MPDZ: variants seen among roughly 807,000 people sequenced by gnomAD.
MPDZ encodes multiple PDZ domain crumbs cell polarity complex component, also known as multiple PDZ domain protein.
A neutral mutation model predicts 239.1 loss-of-function variants in MPDZ; 234 were observed. The ratio of observed to expected loss-of-function variants is 0.98; its 90% CI spans 0.88 to 1.09. The LOEUF (loss-of-function observed/expected upper bound fraction) is 1.09, where lower values mean the gene tolerates loss of function less well. Among genes scored for constraint, MPDZ ranks in the 50% least tolerant of loss-of-function variants. The pLI is 0.00. For synonymous variants in MPDZ, 1,048 were observed against 881.3 expected, an observed-to-expected ratio of 1.19 and a Z score of -3.35; for missense variants, 3,175 against 2,510.0, an observed-to-expected ratio of 1.26 and a Z score of -5.66.
At chr9:13,114,693 C>T (rs200195161) in intron 40 of MPDZ, among the ~76,000 whole-genome samples, 3 of 151,878 alleles carry the variant, frequency 2.0e-5, no homozygotes, top group South Asian at 2.1e-4. Context: ...CGAGGTCAGG[C>T]GTTTGAGACC....
chr9:13,245,410 T>C (rs890021842), intron 3 of MPDZ, among the ~76,000 whole-genome samples: 2 of 140,004 alleles, frequency 1.4e-5, no homozygotes, highest in African/African-American at 5.2e-5. Flanking sequence ...TTTCTACCTT[T>C]GAAAAAAAAA....
chr9:13,136,796 C>G lies in MPDZ; in HGVS notation c.4208G>C (p.Gly1403Ala). The part of the protein sequence containing the change: ...QIADELLEIN[G>A]QILYGRSHQN... ...ATGACTTCTTCCATATAAAATCTGA[C>G]CATTGATCTGTGAGAAATAAATATC... The change falls in exon 30 of 47, where the codon GGT becomes GCT. Residue 1403 changes from glycine (G) to alanine (A), a missense_variant. Coordinates refer to ENST00000319217, the MANE Select transcript of MPDZ (RefSeq NM_001378778.1). 1 of 1,585,986 alleles carries G rather than the reference C, an allele frequency of 6.3e-7. No individual in the cohort carries two copies. The highest frequency in any genetic ancestry group is 8.6e-7 in the Non-Finnish European group (1 of 1,161,690).
chr9:13,195,291 AAAAC>A (rs947063202), intron 13 of MPDZ, among the ~76,000 whole-genome samples: 3 of 152,132 alleles, frequency 2.0e-5, no homozygotes, highest in Non-Finnish European at 4.4e-5. Context: ...TTGTCTCAAA[AAAAC>A]AAACAAACAA....
At chr9:13,241,918 T>G (rs1965502815) in intron 3 of MPDZ, among the ~76,000 whole-genome samples, 1 of 152,130 alleles carries the variant, frequency 6.6e-6, no homozygotes, top group South Asian at 2.1e-4. Context: ...CCTCAGATAT[T>G]TGAAGCTGAA....
intron 3 of MPDZ, among the ~76,000 whole-genome samples, chr9:13,226,425 C>G (rs1012666101): frequency 6.6e-6 from 1 of 152,072 alleles, no homozygotes; most frequent in Admixed American, 6.6e-5. Context: ...TTGAGTCACT[C>G]TCTGACCTCA....
At chr9:13,259,341 AAAAAG>A (rs1009798420) in intron 1 of MPDZ, among the ~76,000 whole-genome samples, 1 of 151,980 alleles carries the variant, frequency 6.6e-6, no homozygotes, top group African/African-American at 2.4e-5. Flanking sequence ...CTCGGAAAAC[AAAAAG>A]AAAAGAAAAG....
intron 39 of MPDZ, among the ~76,000 whole-genome samples, chr9:13,119,122 AT>A (rs906909194): frequency 2.6e-5 from 4 of 152,086 alleles, no homozygotes; most frequent in African/African-American, 9.7e-5. Flanking sequence ...CTTTTTATTT[AT>A]TTTTTTGAGA....
chr9:13,219,619 T>C lies in MPDZ; in HGVS notation c.1026A>G (p.Thr342=), dbSNP rs755389084. The C allele has an allele frequency of 1.9e-6, 3 of 1,612,514 alleles. No individual in the cohort carries two copies. The highest frequency in any genetic ancestry group is 3.3e-5 in the Admixed American group (2 of 59,774). Residue 342 remains threonine, a synonymous_variant, in exon 8 of 47, where the codon ACA becomes ACG. Coordinates refer to ENST00000319217, the MANE Select transcript of MPDZ (RefSeq NM_001378778.1). ...GGGTGATGCCCAAAGCAGTGGGTGC[T>C]GTACGTTCTTCTATGGCACCTCTTG... The part of the protein sequence containing the change: ...MIARGAIEER[T]APTALGITLS...
At chr9:13,149,743 A>C (rs1047381030) in intron 25 of MPDZ, among the ~76,000 whole-genome samples, 2 of 152,064 alleles carry the variant, frequency 1.3e-5, no homozygotes, top group African/African-American at 2.4e-5. Flanking sequence ...TCTATTTAAA[A>C]TATTGAACTT....
Position 13,115,361 on chromosome 9 carries a change from A to G in MPDZ, c.5380-27T>C, listed in dbSNP as rs1943236397. Reference sequence around the variant, plus strand: ...TGGGGGTGGGCATGGGGGGTGTTTTATGGAAATGTTTAAATAAAATGCTAT... The same window carrying G: ...TGGGGGTGGGCATGGGGGGTGTTTTGTGGAAATGTTTAAATAAAATGCTAT... On this transcript the variant is annotated intron_variant, in intron 39 of 46. Coordinates refer to ENST00000319217, the MANE Select transcript of MPDZ (RefSeq NM_001378778.1). The G allele has an allele frequency of 6.4e-6, 10 of 1,558,038 alleles. No individual in the cohort carries two copies. In the East Asian group the frequency reaches 2.2e-4, roughly 35 times the overall value.
chr9:13,275,247 T>C (rs1427414900), intron 1 of MPDZ, among the ~76,000 whole-genome samples: 1 of 152,174 alleles, frequency 6.6e-6, no homozygotes, highest in Non-Finnish European at 1.5e-5. Context: ...TATAACTGTA[T>C]TTGGAGATAA....
In MPDZ at chr9:13,133,638, G is replaced by A. The variant is rs551795216; in HGVS notation, c.4464+186C>T. On this transcript the variant is annotated intron_variant, in intron 32 of 46. Transcript: ENST00000319217. ...GGGTCTAATAAAACACAAACTTCTC[G>A]GCCCAACCCTAGAGTTTCTCATTAA... Among the ~76,000 whole-genome samples, 3 of 152,200 alleles carry A rather than the reference G, an allele frequency of 2.0e-5. No individual in the cohort carries two copies. The South Asian group carries it at 6.2e-4, about 32-fold the overall frequency.
Position 13,217,280 on chromosome 9 carries a change from A to C in MPDZ, c.1101T>G (p.Thr367=), listed in dbSNP as rs1352211239. Residue 367 remains threonine, a synonymous_variant, in exon 9 of 47, where the codon ACT becomes ACG. Coordinates refer to ENST00000319217, the MANE Select transcript of MPDZ (RefSeq NM_001378778.1). The stretch of plus-strand genomic sequence containing the variant: ...ATGTCTCACTTTCTTCACCTTTCTG[A>C]GTAGAAGCATCAACCTAAAATAAAA... ...STPELRVDAS[T]QKGEESETFD... is the part of the protein sequence containing the mutation. The C allele has an allele frequency of 6.3e-7, 1 of 1,592,212 alleles. No individual in the cohort carries two copies. The highest frequency in any genetic ancestry group is 1.1e-5 in the South Asian group (1 of 87,604).
chr9:13,121,638 C>A lies in MPDZ; in HGVS notation c.5231+101G>T. On this transcript the variant is annotated intron_variant, in intron 38 of 46. Transcript: ENST00000319217. Reference sequence around the variant, plus strand: ...GCTAACAACAGCTACCTACTGAACACTAGCCACTGATAAAAGATTCACCTA... The same window carrying A: ...GCTAACAACAGCTACCTACTGAACAATAGCCACTGATAAAAGATTCACCTA... 4.1e-6 allele frequency: 5 copies of A among 1,234,436 alleles called. No homozygotes were observed. In the Admixed American group the frequency reaches 7.3e-5, roughly 18 times the overall value. 76.5% of individuals were successfully genotyped at this position (1,234,436 alleles called of 1,614,324 possible). A position where few individuals can be genotyped will look rare whatever the true frequency, so the allele number is the denominator to read the frequency against.
At chr9:13,187,522 T>A (rs1308709468) in intron 17 of MPDZ, among the ~76,000 whole-genome samples, 2 of 152,164 alleles carry the variant, frequency 1.3e-5, no homozygotes, top group African/African-American at 4.8e-5. Flanking sequence ...CAAGCCTGGT[T>A]CGATTTCAGA....
chr9:13,270,549 G>C (rs985104328), intron 1 of MPDZ, among the ~76,000 whole-genome samples: 2 of 151,214 alleles, frequency 1.3e-5, no homozygotes, highest in African/African-American at 4.9e-5. Flanking sequence ...GGCATATTTT[G>C]GAGAGCTTTT....
rs1360151504 is a variant in MPDZ, at chr9:13,188,937, G to A, written c.2211C>T (p.Gly737=). The part of the protein sequence containing the change: ...VIIIRSLVPG[G]IAEKDGRLLP... ...GAAGTCGTCCATCCTTTTCAGCAAT[G>A]CCGCCAGGCACCAAAGAACGAATTA... The change falls in exon 17 of 47, where the codon GGC becomes GGT. Residue 737 remains glycine (G), a synonymous_variant. Transcript: ENST00000319217. 1.2e-6 allele frequency: 2 copies of A among 1,613,388 alleles called. No homozygotes were observed. Among genetic ancestry groups the A allele is most frequent in the Non-Finnish European group, 1.7e-6 (2 of 1,179,518 alleles).
intron 1 of MPDZ, among the ~76,000 whole-genome samples, chr9:13,257,085 C>T (rs1174458932): frequency 1.3e-5 from 2 of 152,156 alleles, no homozygotes; most frequent in African/African-American, 4.8e-5. Flanking sequence ...TTCCCTCTAG[C>T]TGCTGTTCAT....
chr9:13,250,033 A>C (rs1296224950), intron 2 of MPDZ, among the ~76,000 whole-genome samples: 1 of 152,244 alleles, frequency 6.6e-6, no homozygotes, highest in Non-Finnish European at 1.5e-5. Context: ...AATTGGGCTT[A>C]CATTAAGCTT....
Sources: gnomAD v4.1 joint callset for allele counts (sites outside exome capture counted in the v4.1 genomes callset) on GRCh38, gnomAD v4.1.1 for gene constraint, MANE v1.5 for transcripts, NCBI Gene and HGNC (gene_info 2026-07-23, HGNC 2026-07-21) for gene names.